The following DPYD variants were observed in gnomAD, a reference collection of about 807,000 sequenced individuals.
The protein encoded by DPYD is dihydropyrimidine dehydrogenase.
DPYD carries 109 observed loss-of-function variants against 116.2 expected under a neutral mutation model. The observed-to-expected ratio is 0.94, with a 90% CI of 0.80 to 1.10. DPYD has a LOEUF of 1.10. Ranked by LOEUF, DPYD falls within the 50% of genes least tolerant of loss-of-function variation. DPYD has a pLI of 0.00. For synonymous variants in DPYD, 440 were observed against 432.0 expected, an observed-to-expected ratio of 1.02 and a Z score of -0.23; for missense variants, 1,302 against 1,254.5, an observed-to-expected ratio of 1.04 and a Z score of -0.57.
At chr1:97,538,067 CAAA>C (rs67281977) in intron 12 of DPYD, among the ~76,000 whole-genome samples, 3 of 124,522 alleles carry the variant, frequency 2.4e-5, no homozygotes, top group Non-Finnish European at 1.7e-5. Flanking sequence ...AACTCTGTCT[CAAA>C]AAAAAAAAAA....
At chr1:97,295,204 T>C (rs1558007665) in intron 18 of DPYD, among the ~76,000 whole-genome samples, 1 of 152,146 alleles carries the variant, frequency 6.6e-6, no homozygotes, top group Non-Finnish European at 1.5e-5. Context: ...CAGGGTTATT[T>C]AAATAAGAAT....
chr1:97,297,645 G>A (rs1666613043), intron 18 of DPYD, among the ~76,000 whole-genome samples: 1 of 152,160 alleles, frequency 6.6e-6, no homozygotes, highest in African/African-American at 2.4e-5. Context: ...GGGATGGCAA[G>A]AAAGCAGTAA....
intron 21 of DPYD, chr1:97,095,819 T>C (rs1650207231): frequency 1.3e-5 from 2 of 152,170 alleles, no homozygotes; most frequent in Non-Finnish European, 2.9e-5. Context: ...TATCAGCTAC[T>C]ATTTTGTTTT....
At chr1:97,274,915 G>C (rs1430971289) in intron 18 of DPYD, among the ~76,000 whole-genome samples, 2 of 152,160 alleles carry the variant, frequency 1.3e-5, no homozygotes, top group Non-Finnish European at 1.5e-5. Flanking sequence ...ACACGAGAGA[G>C]ATGCACAGGA....
intron 3 of DPYD, among the ~76,000 whole-genome samples, chr1:97,782,253 C>T (rs973568894): frequency 1.3e-5 from 2 of 152,214 alleles, no homozygotes; most frequent in Non-Finnish European, 2.9e-5. Flanking sequence ...CTTCACATTA[C>T]ATAAATCACG....
intron 8 of DPYD, among the ~76,000 whole-genome samples, chr1:97,627,381 A>G (rs1453097539): frequency 1.3e-5 from 2 of 152,088 alleles, no homozygotes. Flanking sequence ...GTTTTCAATT[A>G]TCTCTTCCAA....
chr1:97,346,842 T>C (rs938514855), intron 16 of DPYD, among the ~76,000 whole-genome samples: 1 of 151,964 alleles, frequency 6.6e-6, no homozygotes, highest in Non-Finnish European at 1.5e-5. Context: ...TTAAGAGATA[T>C]AGCTTTATAA....
At chr1:97,436,873 T>C (rs1675499401) in intron 14 of DPYD, among the ~76,000 whole-genome samples, 1 of 151,892 alleles carries the variant, frequency 6.6e-6, no homozygotes, top group Non-Finnish European at 1.5e-5. Context: ...ACTGAAGAGC[T>C]AGGTAGCCGG....
chr1:97,633,590 C>A (rs764495171), intron 8 of DPYD, among the ~76,000 whole-genome samples: 67 of 152,036 alleles, frequency 4.4e-4, no homozygotes, highest in Middle Eastern at 3.4e-3. Context: ...GGAAAAAAAA[C>A]CAAAAAACTT....
intron 14 of DPYD, among the ~76,000 whole-genome samples, chr1:97,417,442 G>T (rs1337963908): frequency 1.3e-5 from 2 of 151,998 alleles, no homozygotes; most frequent in African/African-American, 4.8e-5. Flanking sequence ...TATATGTCTT[G>T]CATTCAAATA....
intron 5 of DPYD, chr1:97,720,865 G>A (rs2101024796): frequency 1.2e-6 from 2 of 1,608,728 alleles, no homozygotes; most frequent in Non-Finnish European, 8.5e-7. Flanking sequence ...GAGAGCCCAA[G>A]AGTGTCTGAA....
rs554589488 is a variant in DPYD at position 97,767,910 on chromosome 1, G to A, written c.234-27431C>T. On this transcript the variant is annotated intron_variant, in intron 3 of 22. Coordinates refer to ENST00000370192, the MANE Select transcript of DPYD (RefSeq NM_000110.4). ...GAGCCAAAACTAGATAATCATTTTA[G>A]GTTCTTTCAACTTGACTGTGTTTTT... is the stretch of plus-strand genomic sequence containing the variant. Among the ~76,000 whole-genome samples, 13 of 152,042 alleles carry A rather than the reference G, an allele frequency of 8.6e-5. No homozygotes were observed. The South Asian group carries it at 2.7e-3, about 32-fold the overall frequency.
chr1:97,338,838 A>G (rs1558040490), intron 16 of DPYD, among the ~76,000 whole-genome samples: 1 of 152,076 alleles, frequency 6.6e-6, no homozygotes, highest in Non-Finnish European at 1.5e-5. Flanking sequence ...TCTACATTAC[A>G]AGGAAGTCAA....
At chr1:97,152,349 A>T (rs921580409) in intron 20 of DPYD, among the ~76,000 whole-genome samples, 3 of 152,004 alleles carry the variant, frequency 2.0e-5, no homozygotes, top group African/African-American at 4.8e-5. Flanking sequence ...TGAGATTTGC[A>T]GTCAATGTCA....
intron 3 of DPYD, among the ~76,000 whole-genome samples, chr1:97,800,387 G>T (rs13376217): frequency 0.048 from 7,363 of 151,832 alleles, 577 homozygotes; most frequent in African/African-American, 0.16. Flanking sequence ...AATATCCTAA[G>T]TCTAGATGAA....
chr1:97,875,626 T>C (rs1346678702), intron 2 of DPYD, among the ~76,000 whole-genome samples: 1 of 152,016 alleles, frequency 6.6e-6, no homozygotes, highest in African/African-American at 2.4e-5. Flanking sequence ...AGCTTTATAC[T>C]CTGAAGGGAT....
At chr1:97,452,653 A>G (rs1287697163) in intron 13 of DPYD, among the ~76,000 whole-genome samples, 1 of 152,086 alleles carries the variant, frequency 6.6e-6, no homozygotes, top group East Asian at 1.9e-4. Flanking sequence ...ATGGTTTAGT[A>G]TCATCCTCTT....
intron 16 of DPYD, among the ~76,000 whole-genome samples, chr1:97,351,826 G>T (rs1349731826): frequency 1.3e-5 from 2 of 151,916 alleles, no homozygotes; most frequent in Non-Finnish European, 2.9e-5. Context: ...AGCAAATGGA[G>T]AAAAACATTT....
At chr1:97,592,679 T>TA (rs1654604629) in intron 10 of DPYD, among the ~76,000 whole-genome samples, 2 of 152,218 alleles carry the variant, frequency 1.3e-5, no homozygotes, top group Non-Finnish European at 2.9e-5. Flanking sequence ...ACGTTATTTT[T>TA]AGTATGCTAA....
Sources: allele counts gnomAD v4.1 joint callset (sites outside exome capture counted in the v4.1 genomes callset), GRCh38; gene constraint gnomAD v4.1.1; transcripts MANE v1.5; gene names NCBI Gene and HGNC (gene_info 2026-07-23, HGNC 2026-07-21).